Variants in LARP1 observed in about 807,000 individuals in gnomAD.
LARP1 encodes La ribonucleoprotein 1, translational regulator.
A neutral mutation model predicts 122.7 loss-of-function variants in LARP1; 36 were observed. The observed-to-expected ratio is 0.29, with a 90% CI of 0.22 to 0.39. LARP1 has a LOEUF of 0.39. Ranked by LOEUF, LARP1 falls within the 10% of genes least tolerant of loss-of-function variation. The pLI is 1.00. For synonymous variants in LARP1, 539 were observed against 528.7 expected (o/e 1.02, Z -0.27); for missense variants, 1,040 against 1,403.6 (o/e 0.74, Z 4.14).
At chr5:154,743,507 C>A (rs543016397) in intron 1 of LARP1, among the ~76,000 whole-genome samples, 1 of 151,904 alleles carries the variant, frequency 6.6e-6, no homozygotes, top group African/African-American at 2.4e-5. Flanking sequence ...TGGGGTTTCA[C>A]CAGATTGTCC....
chr5:154,779,594 C>T (rs1328769857), intron 1 of LARP1, among the ~76,000 whole-genome samples: 4 of 151,488 alleles, frequency 2.6e-5, no homozygotes, highest in Non-Finnish European at 4.4e-5. Flanking sequence ...CCGCAACCTC[C>T]ACCTCCCGGA....
At chr5:154,699,825 A>T (rs746201019) in intron 1 of LARP1, among the ~76,000 whole-genome samples, 10 of 152,190 alleles carry the variant, frequency 6.6e-5, no homozygotes, top group Non-Finnish European at 1.2e-4. Context: ...TCCATTTTCT[A>T]TACTGGAGAT....
intron 1 of LARP1, among the ~76,000 whole-genome samples, chr5:154,785,038 C>A (rs777527545): frequency 6.6e-5 from 10 of 152,236 alleles, no homozygotes; most frequent in Non-Finnish European, 1.2e-4. Flanking sequence ...CCATGTTCTT[C>A]CTTCCTCCCT....
In LARP1 at chr5:154,814,046, G is replaced by A; in HGVS notation, c.3241G>A (p.Asp1081Asn). The A allele has an allele frequency of 1.9e-6, 3 of 1,614,152 alleles. No individual in the cohort carries two copies. Among genetic ancestry groups the A allele is most frequent in the Non-Finnish European group, 1.7e-6 (2 of 1,180,016 alleles). Residue 1081 changes from aspartate to asparagine, a missense_variant, in exon 19 of 19, where the codon GAT (aspartate) becomes AAT (asparagine). Around this residue, in one of 8 missense-constraint regions of LARP1, gnomAD observed 129 missense variants for 160.8 expected, o/e 0.80. Transcript: ENST00000518297. ...TPPTGQPVRE[D>N]AKWTSQHSNT... ...ACCCACCGGCCAGCCTGTCCGGGAA[G>A]ATGCCAAATGGACAAGCCAGCACTC...
intron 1 of LARP1, among the ~76,000 whole-genome samples, chr5:154,761,901 T>G (rs997129237): frequency 6.6e-6 from 1 of 152,164 alleles, no homozygotes; most frequent in African/African-American, 2.4e-5. Flanking sequence ...CTGAGGTTGT[T>G]TAGAGCGTCA....
At chr5:154,753,991 C>T (rs1256274737), upstream of LARP1, among the ~76,000 whole-genome samples, 1 of 152,230 alleles carries the variant, frequency 6.6e-6, no homozygotes, top group Admixed American at 6.5e-5. Context: ...GAAGCCAGGA[C>T]TTCTCCAAGT....
At chr5:154,712,546 A>G (rs1489527963), upstream of LARP1, among the ~76,000 whole-genome samples, 1 of 152,208 alleles carries the variant, frequency 6.6e-6, no homozygotes, top group African/African-American at 2.4e-5. Context: ...ATGTAGTCTG[A>G]ACCGCACTAA....
rs748427118 is a variant in LARP1 at position 154,805,888 on chromosome 5, C to T, written c.2554C>T (p.Pro852Ser). The part of the protein sequence containing the change: ...RPRTASISSS[P>S]SEGTPTVGSY... ...TTTTTGTGGTTTCTGTAGCTCCAGCCCCTCAGAAGGGACGCCTACAGTTGG... is the reference window on the plus strand; with the variant it reads ...TTTTTGTGGTTTCTGTAGCTCCAGCTCCTCAGAAGGGACGCCTACAGTTGG... The change falls in exon 15 of 19, where the codon CCC becomes TCC. Residue 852 changes from proline (P) to serine (S), a missense_variant. Pro to Ser is a moderately conservative substitution (Grantham distance 74). Transcript: ENST00000518297. 1.2e-6 allele frequency: 2 copies of T among 1,613,152 alleles called. No homozygotes were observed. The highest frequency in any genetic ancestry group is 2.2e-5 in the East Asian group (1 of 44,864).
intron 1 of LARP1, among the ~76,000 whole-genome samples, chr5:154,723,057 TCATA>T: frequency 6.6e-6 from 1 of 152,308 alleles, no homozygotes; most frequent in East Asian, 1.9e-4. Flanking sequence ...TTGGCCAAGG[TCATA>T]CAGTGAGTTG....
chr5:154,751,666 A>C (rs145240021), upstream of LARP1, among the ~76,000 whole-genome samples: 1 of 152,210 alleles, frequency 6.6e-6, no homozygotes, highest in Non-Finnish European at 1.5e-5. Context: ...ATTACATACA[A>C]TAAGATGTTT....
intron 15 of LARP1, among the ~76,000 whole-genome samples, chr5:154,807,860 C>G (rs1758912956): frequency 6.6e-6 from 1 of 152,144 alleles, no homozygotes; most frequent in Non-Finnish European, 1.5e-5. Flanking sequence ...AGCCAAGATG[C>G]TTTTTTAACT....
At chr5:154,773,890 G>A (rs1189989029) in intron 1 of LARP1, among the ~76,000 whole-genome samples, 3 of 152,090 alleles carry the variant, frequency 2.0e-5, no homozygotes, top group African/African-American at 7.2e-5. Flanking sequence ...TTGCAGAAGG[G>A]GACATGGGTT....
At position 154,814,650 on chromosome 5, in the gene LARP1, G is replaced by C. The variant is rs941736938; in HGVS notation, c.*554G>C. 13 of 152,448 alleles carry C rather than the reference G, an allele frequency of 8.5e-5. No homozygotes were observed. Among genetic ancestry groups the C allele is most frequent in the African/African-American group, 3.1e-4 (13 of 41,368 alleles). The allele number at this position is 152,448 out of a possible 1,614,324, so 9.4% of individuals were successfully genotyped here. On this transcript the variant is annotated 3_prime_UTR_variant, in exon 19 of 19. Coordinates refer to ENST00000518297, the MANE Select transcript of LARP1 (RefSeq NM_033551.3). ...GTCATCACCATATTTTCTCCCTGCT[G>C]TTCCCACCATGCCCTTCTGCCATCT...
At chr5:154,805,508 A>G (rs1007843162) in intron 14 of LARP1, among the ~76,000 whole-genome samples, 1 of 152,204 alleles carries the variant, frequency 6.6e-6, no homozygotes, top group African/African-American at 2.4e-5. Context: ...TTTCAAACCC[A>G]TGTTGTTCAA....
At chr5:154,780,231 T>C (rs1354183843) in intron 1 of LARP1, among the ~76,000 whole-genome samples, 1 of 152,178 alleles carries the variant, frequency 6.6e-6, no homozygotes, top group African/African-American at 2.4e-5. Flanking sequence ...CAGGGCCCAC[T>C]AAGTCTTCCA....
intron 1 of LARP1, among the ~76,000 whole-genome samples, chr5:154,717,537 A>C (rs1367154052): frequency 6.6e-6 from 1 of 152,176 alleles, no homozygotes; most frequent in Non-Finnish European, 1.5e-5. Flanking sequence ...CATCTTGGCT[A>C]CCTAGCTAAT....
intron 1 of LARP1, among the ~76,000 whole-genome samples, chr5:154,731,586 G>C (rs987994246): frequency 6.6e-6 from 1 of 152,158 alleles, no homozygotes; most frequent in South Asian, 2.1e-4. Context: ...TCTCAAAAGA[G>C]CACCCCAACA....
At chr5:154,812,694 AT>A (rs1582498727) in intron 18 of LARP1, among the ~76,000 whole-genome samples, 1 of 151,824 alleles carries the variant, frequency 6.6e-6, no homozygotes, top group East Asian at 1.9e-4. Context: ...TAATTTTTGT[AT>A]TTTTAGTAGA....
At chr5:154,754,611 G>C (rs536005949), upstream of LARP1, among the ~76,000 whole-genome samples, 2 of 152,374 alleles carry the variant, frequency 1.3e-5, no homozygotes, top group East Asian at 3.9e-4. Context: ...GCCTGGGTGA[G>C]GGCTTTAGTA....
Sources: allele counts gnomAD v4.1 joint callset (sites outside exome capture counted in the v4.1 genomes callset), GRCh38; gene constraint gnomAD v4.1.1; regional missense constraint gnomAD v4.1.1; transcripts MANE v1.5; gene names NCBI Gene and HGNC (gene_info 2026-07-23, HGNC 2026-07-21).